NEBL: variants seen among roughly 807,000 people sequenced by gnomAD.
NEBL encodes nebulette.
NEBL carries 122 observed loss-of-function variants against 140.2 expected under a neutral mutation model. The ratio of observed to expected loss-of-function variants is 0.87; its 90% CI spans 0.75 to 1.01. The LOEUF is 1.01. Among genes scored for constraint, NEBL ranks in the 50% least tolerant of loss-of-function variants. The probability of loss-of-function intolerance (pLI) is 0.00; values close to 1 mark genes in which losing one functional copy is unlikely to be tolerated. For synonymous variants in NEBL, 436 were observed against 398.9 expected, an observed-to-expected ratio of 1.09 and a Z score of -1.11; for missense variants, 1,365 against 1,231.3, an observed-to-expected ratio of 1.11 and a Z score of -1.62.
chr10:20,967,521 G>A lies in NEBL; in HGVS notation c.250-5742C>T, dbSNP rs867153442. Among the ~76,000 whole-genome samples, 13 of 152,254 alleles carry A rather than the reference G, an allele frequency of 8.5e-5. 1 individual carries two copies. Among genetic ancestry groups the A allele is most frequent in the South Asian group, 6.2e-4 (3 of 4,814 alleles). On this transcript the variant is annotated intron_variant, in intron 3 of 6. Transcript: ENST00000417816. Reference sequence around the variant, plus strand: ...TACACCCCTGTAGTCCCAGCTACTCGGGAGGCTGAGGCAGGAGAATCACTT... The same window carrying A: ...TACACCCCTGTAGTCCCAGCTACTCAGGAGGCTGAGGCAGGAGAATCACTT...
chr10:21,155,895 G>T (rs751761921), intron 2 of NEBL, among the ~76,000 whole-genome samples: 1 of 151,934 alleles, frequency 6.6e-6, no homozygotes, highest in Non-Finnish European at 1.5e-5. Flanking sequence ...AGAGATTAAC[G>T]CCCACTGCAT....
At chr10:20,915,135 A>G (rs1443208487) in intron 4 of NEBL, among the ~76,000 whole-genome samples, 1 of 151,954 alleles carries the variant, frequency 6.6e-6, no homozygotes, top group African/African-American at 2.4e-5. Flanking sequence ...GTTATTTATC[A>G]TAGTACAGAC....
chr10:20,832,454 GAT>G (rs371645946), intron 14 of NEBL, among the ~76,000 whole-genome samples: 87 of 151,976 alleles, frequency 5.7e-4, no homozygotes, highest in African/African-American at 2.0e-3. Flanking sequence ...GTGGGAAATG[GAT>G]TACCAATTGC....
chr10:21,262,227 C>A (rs1318251451), intron 1 of NEBL, among the ~76,000 whole-genome samples: 3 of 152,136 alleles, frequency 2.0e-5, no homozygotes, highest in Non-Finnish European at 4.4e-5. Flanking sequence ...GAATGAAGGA[C>A]GCTGGCCTGA....
intron 4 of NEBL, among the ~76,000 whole-genome samples, chr10:20,956,220 A>G (rs947373304): frequency 2.6e-5 from 4 of 152,258 alleles, no homozygotes; most frequent in African/African-American, 9.6e-5. Context: ...ACATGAAAGT[A>G]TAAGTAATCC....
At chr10:20,990,387 G>A (rs994182357) in intron 3 of NEBL, among the ~76,000 whole-genome samples, 1 of 152,302 alleles carries the variant, frequency 6.6e-6, no homozygotes. Flanking sequence ...ATTAGATCAT[G>A]AGGACAGGGA....
intron 5 of NEBL, among the ~76,000 whole-genome samples, chr10:20,879,819 G>A (rs1845846452): frequency 6.6e-6 from 1 of 151,358 alleles, no homozygotes; most frequent in Admixed American, 6.6e-5. Flanking sequence ...GTCAGGATGA[G>A]GAGATTTTAA....
intron 3 of NEBL, among the ~76,000 whole-genome samples, chr10:21,203,626 T>C (rs768417243): frequency 6.6e-6 from 1 of 152,218 alleles, no homozygotes; most frequent in Non-Finnish European, 1.5e-5. Flanking sequence ...GTATTTTATA[T>C]GTTAACAATG....
Position 20,819,450 on chromosome 10 carries a change from TCA to T in NEBL, c.2027_2028del (p.Val676GlufsTer13). On this transcript the variant is annotated frameshift_variant, in exon 20 of 28. Coordinates refer to ENST00000377122, the MANE Select transcript of NEBL (RefSeq NM_006393.3). LOFTEE classifies it high-confidence loss of function. The part of the protein sequence containing the change: ...PVSMTPEIER[V>X]RRNQEQLSAV... The stretch of plus-strand genomic sequence containing the variant: ...GCACTCAGCTGCTCCTGGTTTCGCC[TCA>T]CTCTCTCTATCTCCGGGGTCATGCT... 6.2e-7 allele frequency: 1 copy of T among 1,614,124 alleles called. No homozygotes were observed. The highest frequency in any genetic ancestry group is 1.3e-5 in the African/African-American group (1 of 75,054).
intron 2 of NEBL, among the ~76,000 whole-genome samples, chr10:21,032,972 C>T (rs1287630910): frequency 2.6e-5 from 4 of 152,164 alleles, no homozygotes; most frequent in African/African-American, 9.7e-5. Context: ...AACATGTCAC[C>T]TAGATTTTGA....
At chr10:20,866,398 TA>T (rs373428265) in intron 7 of NEBL, among the ~76,000 whole-genome samples, 2 of 152,000 alleles carry the variant, frequency 1.3e-5, no homozygotes, top group African/African-American at 2.4e-5. Context: ...CTTATCACGA[TA>T]AAAAAATGGG....
Position 20,858,284 on chromosome 10 carries a change from A to G in NEBL, c.859T>C (p.Leu287=), listed in dbSNP as rs1034168754. 10 of 1,612,106 alleles carry G rather than the reference A, an allele frequency of 6.2e-6. No individual in the cohort carries two copies. The highest frequency in any genetic ancestry group is 6.8e-6 in the Non-Finnish European group (8 of 1,178,234). ...GCTTTCAAAACATGGTCTAAAAACA[A>G]CAAATTTGGGAGATCTGAAACTGGA... ...HDPVSDLPNL[L]FLDHVLKASK... is the part of the protein sequence containing the mutation. The change falls in exon 9 of 28, where the codon TTG becomes CTG. Residue 287 remains leucine (L), a synonymous_variant. Transcript: ENST00000377122.
At chr10:21,008,311 G>A (rs1838212358) in intron 3 of NEBL, among the ~76,000 whole-genome samples, 1 of 152,164 alleles carries the variant, frequency 6.6e-6, no homozygotes, top group Non-Finnish European at 1.5e-5. Flanking sequence ...GGTGAGTAAA[G>A]TACAATAAGA....
intron 3 of NEBL, among the ~76,000 whole-genome samples, chr10:21,207,841 C>T (rs888753482): frequency 6.6e-6 from 1 of 152,152 alleles, no homozygotes; most frequent in African/African-American, 2.4e-5. Context: ...ACAGAAGATA[C>T]AGGGTCCAAT....
chr10:20,785,737 G>A lies in NEBL; in HGVS notation c.*10C>T. 1 of 1,612,746 alleles carries A rather than the reference G, an allele frequency of 6.2e-7. No homozygotes were observed. Among genetic ancestry groups the A allele is most frequent in the Non-Finnish European group, 8.5e-7 (1 of 1,179,484 alleles). On this transcript the variant is annotated 3_prime_UTR_variant, in exon 28 of 28. Coordinates refer to ENST00000377122, the MANE Select transcript of NEBL (RefSeq NM_006393.3). Reference sequence around the variant, plus strand: ...CATTAGAATAAAGCTCAAAGGGCAGGGAGAAATAATTAATTAACAAACTCA... The same window carrying A: ...CATTAGAATAAAGCTCAAAGGGCAGAGAGAAATAATTAATTAACAAACTCA...
At chr10:20,962,590 C>A (rs1056722941) in intron 3 of NEBL, among the ~76,000 whole-genome samples, 1 of 152,152 alleles carries the variant, frequency 6.6e-6, no homozygotes, top group Admixed American at 6.5e-5. Flanking sequence ...CTTACAGAAC[C>A]CCATCTCCTG....
chr10:21,214,599 A>G (rs531863844), intron 3 of NEBL, among the ~76,000 whole-genome samples: 6 of 151,580 alleles, frequency 4.0e-5, no homozygotes, highest in African/African-American at 1.2e-4. Context: ...ACACACACAT[A>G]TACACATGCA....
At chr10:20,864,537 C>T (rs1481649634) in intron 7 of NEBL, among the ~76,000 whole-genome samples, 1 of 152,126 alleles carries the variant, frequency 6.6e-6, no homozygotes, top group African/African-American at 2.4e-5. Flanking sequence ...TGTTCCCATC[C>T]TTTCATCAGA....
intron 2 of NEBL, among the ~76,000 whole-genome samples, chr10:21,099,358 T>TC (rs1379959522): frequency 6.6e-6 from 1 of 152,098 alleles, no homozygotes; most frequent in Non-Finnish European, 1.5e-5. Context: ...TTTCGCGTCC[T>TC]CCCCTGTCTG....
Sources: allele counts gnomAD v4.1 joint callset (sites outside exome capture counted in the v4.1 genomes callset), GRCh38; gene constraint gnomAD v4.1.1; transcripts MANE v1.5; gene names NCBI Gene and HGNC (gene_info 2026-07-23, HGNC 2026-07-21).